The following FANCE variants were observed in gnomAD, a reference collection of about 807,000 sequenced individuals.
The protein encoded by FANCE is FA complementation group E.
FANCE carries 42 observed loss-of-function variants against 57.8 expected under a neutral mutation model. The observed-to-expected ratio is 0.73, with a 90% CI of 0.57 to 0.94. FANCE has a LOEUF of 0.94. Among genes scored for constraint, FANCE ranks in the 40% least tolerant of loss-of-function variants. The pLI, the probability that FANCE is intolerant of heterozygous loss-of-function variation, is 0.00. For missense variants in FANCE, 608 were observed against 661.8 expected (o/e 0.92, Z 0.89); for synonymous variants, 251 against 286.4 (o/e 0.88, Z 1.25).
chr6:35,452,570 C>T lies in FANCE; in HGVS notation c.25C>T (p.Pro9Ser), dbSNP rs956659254. 1.5e-6 allele frequency: 2 copies of T among 1,334,930 alleles called. No homozygotes were observed. Among genetic ancestry groups the T allele is most frequent in the African/African-American group, 1.5e-5 (1 of 66,426 alleles). The allele number at this position is 1,334,930 out of a possible 1,614,324, so 82.7% of individuals were successfully genotyped here. A position where few individuals can be genotyped will look rare whatever the true frequency, so the allele number is the denominator to read the frequency against. The part of the protein sequence containing the change: MATPDAGL[P>S]GAEGVEPAPW... ...CATGGCGACACCGGACGCGGGGCTC[C>T]CTGGGGCTGAGGGCGTGGAGCCGGC... The change falls in exon 1 of 10, where the codon CCT (proline) becomes TCT (serine). Residue 9 changes from proline to serine, a missense_variant. By Grantham distance (74) the Pro-to-Ser change is moderately conservative. Transcript: ENST00000229769.
At chr6:35,463,957 C>G (rs759067189) in intron 9 of FANCE, among the ~76,000 whole-genome samples, 7 of 152,070 alleles carry the variant, frequency 4.6e-5, no homozygotes, top group Non-Finnish European at 1.0e-4. Context: ...AGCTGTCGTG[C>G]CCAGACTTCC....
chr6:35,460,156 C>T (rs1036845800), intron 7 of FANCE, among the ~76,000 whole-genome samples: 3 of 151,880 alleles, frequency 2.0e-5, no homozygotes, highest in East Asian at 3.9e-4. Context: ...TGCCCTGTTG[C>T]CCAGGCTGGA....
chr6:35,466,543 G>A lies in FANCE; in HGVS notation c.*198G>A. 1 of 602,460 alleles carries A rather than the reference G, an allele frequency of 1.7e-6. No individual in the cohort carries two copies. Among genetic ancestry groups the A allele is most frequent in the Non-Finnish European group, 3.0e-6 (1 of 337,340 alleles). The allele number at this position is 602,460 out of a possible 1,614,324, so 37.3% of individuals were successfully genotyped here. A position where few individuals can be genotyped will look rare whatever the true frequency, so the allele number is the denominator to read the frequency against. On this transcript the variant is annotated 3_prime_UTR_variant, in exon 10 of 10. Coordinates refer to ENST00000229769, the MANE Select transcript of FANCE (RefSeq NM_021922.3). ...CCAGCAGGGAGGCTCCTGGGCTAAG[G>A]GAGCTCAGCTATATTTTCTTTTTCA...
intron 1 of FANCE, 38 bp from the exon 2 acceptor site, chr6:35,455,709 C>A (rs199642859): frequency 6.2e-7 from 1 of 1,610,982 alleles, no homozygotes. Context: ...CTCCCTTCAG[C>A]CAAACACTTA....
rs955394922 is a variant in FANCE, at chr6:35,452,542, C to T, written c.-4C>T. On this transcript the variant is annotated 5_prime_UTR_variant, in exon 1 of 10. Coordinates refer to ENST00000229769, the MANE Select transcript of FANCE (RefSeq NM_021922.3). ...AGGGGGCGGCGCGGCACCCGTGCCC[C>T]GGCATGGCGACACCGGACGCGGGGC... 27 of 1,311,726 alleles carry T rather than the reference C, an allele frequency of 2.1e-5. No individual in the cohort carries two copies. The African/African-American group carries it at 3.8e-4, about 18-fold the overall frequency. 81.3% of individuals were successfully genotyped at this position (1,311,726 alleles called of 1,614,324 possible). A position where few individuals can be genotyped will look rare whatever the true frequency, so the allele number is the denominator to read the frequency against.
intron 9 of FANCE, among the ~76,000 whole-genome samples, chr6:35,465,077 A>G (rs1462601337): frequency 2.0e-5 from 3 of 151,886 alleles, no homozygotes; most frequent in Non-Finnish European, 4.4e-5. Context: ...CAGAAAATTG[A>G]GACTCACACA....
At position 35,461,063 on chromosome 6, in the gene FANCE, C is replaced by T. The variant is rs530885932; in HGVS notation, c.1383+445C>T. Among the ~76,000 whole-genome samples, 15 of 152,274 alleles carry T rather than the reference C, an allele frequency of 9.9e-5. No individual in the cohort carries two copies. In the East Asian group the frequency reaches 1.9e-3, roughly 20 times the overall value. ...CCACCCAAATAACTGGGATTACAGGCGTGCGCCACCACGCTGGCTAATTTT... is the reference window on the plus strand; with the variant it reads ...CCACCCAAATAACTGGGATTACAGGTGTGCGCCACCACGCTGGCTAATTTT... On this transcript the variant is annotated intron_variant, in intron 8 of 9. Transcript: ENST00000229769.
chr6:35,459,897 T>A, intron 7 of FANCE, 137 bp downstream of exon 7: 4 of 740,304 alleles, frequency 5.4e-6, no homozygotes, highest in South Asian at 4.6e-5. Context: ...CTCCATCCTC[T>A]TTCTCCTTTA....
rs767148294 is a variant in FANCE at position 35,455,925 on chromosome 6, G to C, written c.427G>C (p.Asp143His). The C allele has an allele frequency of 1.2e-6, 2 of 1,614,164 alleles. No homozygotes were observed. The highest frequency in any genetic ancestry group is 1.7e-6 in the Non-Finnish European group (2 of 1,180,032). The change falls in exon 2 of 10, where the codon GAT becomes CAT. Residue 143 changes from aspartate (D) to histidine (H), a missense_variant. Physicochemically the swap from Asp to His is moderately conservative, Grantham distance 81. Coordinates refer to ENST00000229769, the MANE Select transcript of FANCE (RefSeq NM_021922.3). ...LRALGELLRR[D>H]LGVGTSMEGA... ...TGCCCTGGGGGAATTGCTGCGAAGG[G>C]ATTTGGGGGTGGGGACCTCCATGGA...
At chr6:35,465,559 G>T (rs866885504) in intron 9 of FANCE, among the ~76,000 whole-genome samples, 2 of 152,180 alleles carry the variant, frequency 1.3e-5, no homozygotes, top group Non-Finnish European at 2.9e-5. Flanking sequence ...GGTGTTACAG[G>T]CCCATTTGAT....
intron 7 of FANCE, 128 bp from the exon 8 acceptor site, chr6:35,460,424 C>T (rs1767540820): frequency 1.1e-6 from 1 of 896,006 alleles, no homozygotes. Context: ...CCCCTGACTA[C>T]CCCTTTGTTG....
chr6:35,461,315 C>T (rs575183802), intron 8 of FANCE, among the ~76,000 whole-genome samples: 1 of 152,282 alleles, frequency 6.6e-6, no homozygotes, highest in Non-Finnish European at 1.5e-5. Flanking sequence ...TGAGCCACCA[C>T]GCCCAGCCCA....
At chr6:35,463,470 T>C (rs1407855950) in intron 9 of FANCE, among the ~76,000 whole-genome samples, 2 of 152,022 alleles carry the variant, frequency 1.3e-5, no homozygotes, top group Non-Finnish European at 2.9e-5. Flanking sequence ...CATAATGCAA[T>C]CCCTGCCCTT....
In FANCE at chr6:35,452,721, A is replaced by G; in HGVS notation, c.176A>G (p.Asp59Gly). Residue 59 changes from aspartate (D) to glycine (G), a missense_variant, in exon 1 of 10, where the codon GAC becomes GGC. Asp to Gly is a moderately conservative substitution (Grantham distance 94, BLOSUM62 -1). Transcript: ENST00000229769. ...GGCAGCCGCGGCTGGGAGCCCTTCG[A>G]CTGGGGTCGCTTGCTCGAGGCCCTG... ...ALGSRGWEPF[D>G]WGRLLEALCR... 8.0e-7 allele frequency: 1 copy of G among 1,246,926 alleles called. No homozygotes were observed. Among genetic ancestry groups the G allele is most frequent in the Non-Finnish European group, 1.0e-6 (1 of 995,190 alleles). 77.2% of individuals were successfully genotyped at this position (1,246,926 alleles called of 1,614,324 possible).
chr6:35,454,347 C>T (rs1767238361), intron 1 of FANCE, among the ~76,000 whole-genome samples: 1 of 152,216 alleles, frequency 6.6e-6, no homozygotes, highest in South Asian at 2.1e-4. Context: ...AGATTACAGG[C>T]ATGAGCCACT....
intron 9 of FANCE, among the ~76,000 whole-genome samples, chr6:35,465,130 G>A (rs1469016447): frequency 2.0e-5 from 3 of 152,040 alleles, no homozygotes; most frequent in African/African-American, 7.2e-5. Context: ...AGGACTAGTA[G>A]CATTTTTTCT....
rs796660518 is a variant in FANCE, at chr6:35,462,332, C to G, written c.1384-457C>G. 4.6e-5 allele frequency among the ~76,000 whole-genome samples: 7 copies of G among 152,016 alleles called. 1 individual carries two copies. Among genetic ancestry groups the G allele is most frequent in the African/African-American group, 1.4e-4 (6 of 41,448 alleles). ...ATGTTGGCCAGGCTGGTCTGGAACT[C>G]CTGACCTCAGGCGATCCACCCGCCT... On this transcript the variant is annotated intron_variant, in intron 8 of 9. Transcript: ENST00000229769.
rs747099685 is a variant in FANCE, at chr6:35,462,770, C to T, written c.1384-19C>T. ...CAAGCCTTTCTTGTGATTACTGCTCCATCTCCCAATGTGTGCAGGTGGAGA... is the reference window on the plus strand; with the variant it reads ...CAAGCCTTTCTTGTGATTACTGCTCTATCTCCCAATGTGTGCAGGTGGAGA... On this transcript the variant is annotated intron_variant, in intron 8 of 9. Coordinates refer to ENST00000229769, the MANE Select transcript of FANCE (RefSeq NM_021922.3). 5 of 1,614,040 alleles carry T rather than the reference C, an allele frequency of 3.1e-6. No homozygotes were observed. Among genetic ancestry groups the T allele is most frequent in the Middle Eastern group, 3.3e-4 (2 of 6,056 alleles).
intron 9 of FANCE, among the ~76,000 whole-genome samples, chr6:35,464,728 C>CTTTT (rs59541412): frequency 5.6e-5 from 6 of 107,790 alleles, no homozygotes; most frequent in Non-Finnish European, 9.1e-5. Flanking sequence ...GAGAGATATT[C>CTTTT]TTTTTTTTTT....
Sources: gnomAD v4.1 joint callset for allele counts (sites outside exome capture counted in the v4.1 genomes callset) on GRCh38, gnomAD v4.1.1 for gene constraint, MANE v1.5 for transcripts, NCBI Gene and HGNC (gene_info 2026-07-23, HGNC 2026-07-21) for gene names.